Variants in GOLGA4 observed in about 807,000 individuals in gnomAD.
GOLGA4 encodes the protein golgin subfamily A member 4.
Under a neutral mutation model 265.9 loss-of-function variants are expected in GOLGA4, and 169 were observed. The observed-to-expected ratio is 0.64, with a 90% CI of 0.56 to 0.72. The LOEUF (loss-of-function observed/expected upper bound fraction) is 0.72. Among genes scored for constraint, GOLGA4 ranks in the 30% least tolerant of loss-of-function variants. The pLI, the probability that GOLGA4 is intolerant of heterozygous loss-of-function variation, is 0.00. For synonymous variants in GOLGA4, 923 were observed against 855.8 expected (o/e 1.08, Z -1.37); for missense variants, 2,482 against 2,483.4 (o/e 1.00, Z 0.01).
chr3:37,279,773 G>C (rs1207603792), intron 2 of GOLGA4, among the ~76,000 whole-genome samples: 1 of 152,042 alleles, frequency 6.6e-6, no homozygotes, highest in Non-Finnish European at 1.5e-5. Flanking sequence ...CTGGTGTGGT[G>C]GCACATGCCT....
At chr3:37,254,345 A>G (rs2096742336) in intron 2 of GOLGA4, among the ~76,000 whole-genome samples, 3 of 152,208 alleles carry the variant, frequency 2.0e-5, no homozygotes, top group African/African-American at 4.8e-5. Flanking sequence ...ATTTCAGTAT[A>G]TGCATCAAGG....
intron 2 of GOLGA4, among the ~76,000 whole-genome samples, chr3:37,255,415 G>A (rs910302562): frequency 1.3e-5 from 2 of 152,084 alleles, no homozygotes; most frequent in East Asian, 1.9e-4. Context: ...CATCCGCCTC[G>A]GCCTCCCAAA....
chr3:37,361,299 A>T lies in GOLGA4; in HGVS notation c.*27A>T. On this transcript the variant is annotated 3_prime_UTR_variant, in exon 23 of 24. Coordinates refer to ENST00000361924, the MANE Select transcript of GOLGA4 (RefSeq NM_002078.5). ...TAAACCATCAGTCTGTGCTTAGTTA[A>T]CATGTGGTGAGTGAAGAACAATGTC... 4.4e-6 allele frequency: 7 copies of T among 1,608,780 alleles called. No individual in the cohort carries two copies. The highest frequency in any genetic ancestry group is 6.0e-6 in the Non-Finnish European group (7 of 1,175,254).
At chr3:37,247,672 T>G (rs1237398125) in intron 1 of GOLGA4, among the ~76,000 whole-genome samples, 2 of 152,216 alleles carry the variant, frequency 1.3e-5, no homozygotes, top group African/African-American at 4.8e-5. Context: ...GACTGGGTTC[T>G]CTGCTCAGGG....
At chr3:37,357,553 A>T (rs990129796) in intron 22 of GOLGA4, among the ~76,000 whole-genome samples, 1 of 152,228 alleles carries the variant, frequency 6.6e-6, no homozygotes, top group Admixed American at 6.5e-5. Flanking sequence ...ACGATATGAG[A>T]TGACATGAAT....
In GOLGA4 at chr3:37,347,188, G is replaced by T; in HGVS notation, c.6473-5G>T. On this transcript the variant is annotated splice_polypyrimidine_tract_variant and splice_region_variant and intron_variant, in intron 20 of 23. Coordinates refer to ENST00000361924, the MANE Select transcript of GOLGA4 (RefSeq NM_002078.5). Reference sequence around the variant, plus strand: ...TACAGTTTGATCTATTTTTTTATTTGGCAGGTGGCAATTTGTACCATACGG... The same window carrying T: ...TACAGTTTGATCTATTTTTTTATTTTGCAGGTGGCAATTTGTACCATACGG... 6.4e-7 allele frequency: 1 copy of T among 1,573,700 alleles called. No individual in the cohort carries two copies. Among genetic ancestry groups the T allele is most frequent in the Non-Finnish European group, 8.7e-7 (1 of 1,146,294 alleles).
chr3:37,257,989 G>GTA (rs765511291), intron 2 of GOLGA4, among the ~76,000 whole-genome samples: 4 of 83,640 alleles, frequency 4.8e-5, no homozygotes, highest in South Asian at 3.0e-4. Context: ...ATATATGTAT[G>GTA]TATATATGTA....
At chr3:37,364,152 C>G (rs1487744436) in intron 23 of GOLGA4, among the ~76,000 whole-genome samples, 1 of 152,088 alleles carries the variant, frequency 6.6e-6, no homozygotes, top group Non-Finnish European at 1.5e-5. Flanking sequence ...GAAAGTTTGC[C>G]TCTATTAATC....
At chr3:37,288,058 G>A (rs2096854494) in intron 4 of GOLGA4, among the ~76,000 whole-genome samples, 1 of 151,490 alleles carries the variant, frequency 6.6e-6, no homozygotes, top group Non-Finnish European at 1.5e-5. Context: ...CCAGGAAAGG[G>A]TGAGTCATTT....
intron 10 of GOLGA4, among the ~76,000 whole-genome samples, chr3:37,309,804 C>T (rs900539711): frequency 5.9e-5 from 9 of 152,216 alleles, no homozygotes; most frequent in African/African-American, 2.2e-4. Context: ...GGAAGAAAAT[C>T]TACTCTTACA....
At chr3:37,363,067 C>T (rs1696460258) in intron 23 of GOLGA4, among the ~76,000 whole-genome samples, 1 of 152,114 alleles carries the variant, frequency 6.6e-6, no homozygotes, top group Non-Finnish European at 1.5e-5. Context: ...CAGGCGTGAG[C>T]CACTGTGCCT....
At chr3:37,338,749 C>T (rs1462513400) in intron 19 of GOLGA4, among the ~76,000 whole-genome samples, 1 of 152,160 alleles carries the variant, frequency 6.6e-6, no homozygotes, top group Non-Finnish European at 1.5e-5. Context: ...CCCATTACCT[C>T]CTCCCCGTAA....
chr3:37,292,757 A>T (rs1044206274), intron 5 of GOLGA4, among the ~76,000 whole-genome samples: 1 of 152,194 alleles, frequency 6.6e-6, no homozygotes, highest in Non-Finnish European at 1.5e-5. Flanking sequence ...AGCTACTTAT[A>T]TGAAAGGAAT....
At chr3:37,352,387 C>T (rs1239726882) in intron 21 of GOLGA4, among the ~76,000 whole-genome samples, 1 of 151,938 alleles carries the variant, frequency 6.6e-6, no homozygotes, top group African/African-American at 2.4e-5. Flanking sequence ...CATGAGAATT[C>T]ACTCACTATC....
At chr3:37,284,032 A>T (rs1033073834) in intron 3 of GOLGA4, among the ~76,000 whole-genome samples, 1 of 152,116 alleles carries the variant, frequency 6.6e-6, no homozygotes, top group African/African-American at 2.4e-5. Context: ...ATTCTGTCTC[A>T]GAGTCAGGCA....
chr3:37,312,103 C>T (rs941738352), intron 10 of GOLGA4, among the ~76,000 whole-genome samples: 2 of 152,168 alleles, frequency 1.3e-5, no homozygotes, highest in Admixed American at 1.3e-4. Context: ...TCAGTTTCTC[C>T]AGAGCCTGAT....
In GOLGA4 at chr3:37,251,458, C is replaced by T; in HGVS notation, c.136C>T (p.Leu46Phe). The change falls in exon 2 of 24, where the codon CTT (leucine) becomes TTT (phenylalanine). Residue 46 changes from leucine to phenylalanine, a missense_variant. Around this residue, in one of 3 missense-constraint regions of GOLGA4, gnomAD observed 1,536 missense variants for 1,483.7 expected, o/e 1.04. Transcript: ENST00000361924. Reference protein sequence around the residue: ...RSRTSSFTEQLDEGTPNRESG... With the variant: ...RSRTSSFTEQFDEGTPNRESG... ...CAGGACATCTTCATTTACAGAGCAA[C>T]TTGATGAAGGTACACCCAATAGAGA... is the stretch of plus-strand genomic sequence containing the variant. 1 of 1,609,594 alleles carries T rather than the reference C, an allele frequency of 6.2e-7. No individual in the cohort carries two copies. Among genetic ancestry groups the T allele is most frequent in the Non-Finnish European group, 8.5e-7 (1 of 1,175,898 alleles).
chr3:37,266,890 A>T (rs138532444), intron 2 of GOLGA4: 1 of 1,288,744 alleles, frequency 7.8e-7, no homozygotes, highest in Non-Finnish European at 1.0e-6. Flanking sequence ...TGAGTATACT[A>T]TCTTTGCTTT....
intron 22 of GOLGA4, 85 bp from the exon 23 acceptor site, chr3:37,361,158 T>C (rs1696231734): frequency 9.7e-7 from 1 of 1,035,868 alleles, no homozygotes; most frequent in East Asian, 2.4e-5. Context: ...TGTAATCCTA[T>C]GAACTTCATA....
Sources: allele counts gnomAD v4.1 joint callset (sites outside exome capture counted in the v4.1 genomes callset), GRCh38; gene constraint gnomAD v4.1.1; regional missense constraint gnomAD v4.1.1; transcripts MANE v1.5; gene names NCBI Gene and HGNC (gene_info 2026-07-23, HGNC 2026-07-21).